The following IMPA2 variants were observed in gnomAD, a reference collection of about 807,000 sequenced individuals.
IMPA2 encodes IMP 2.
Under a neutral mutation model 35.1 loss-of-function variants are expected in IMPA2, and 32 were observed. That is an observed-to-expected ratio of 0.91 (90% confidence interval 0.69 to 1.23). The LOEUF (loss-of-function observed/expected upper bound fraction) is 1.23. Among genes scored for constraint, IMPA2 ranks in the 50% most tolerant of loss-of-function variants. The pLI is 0.00. For missense variants in IMPA2, 334 were observed against 387.6 expected, an observed-to-expected ratio of 0.86 and a Z score of 1.16; for synonymous variants, 135 against 160.6, an observed-to-expected ratio of 0.84 and a Z score of 1.20.
intron 2 of IMPA2, among the ~76,000 whole-genome samples, chr18:12,006,384 T>C (rs1467345902): frequency 6.6e-6 from 1 of 152,014 alleles, no homozygotes. Context: ...CAACTGAGAG[T>C]GGAGAGGCAG....
In IMPA2 at chr18:12,010,777, C is replaced by T. The variant is rs1041416798; in HGVS notation, c.335+790C>T. 8.5e-5 allele frequency among the ~76,000 whole-genome samples: 13 copies of T among 152,172 alleles called. No individual in the cohort carries two copies. Among genetic ancestry groups the T allele is most frequent in the Non-Finnish European group, 1.9e-4 (13 of 68,038 alleles). On this transcript the variant is annotated intron_variant, in intron 3 of 7. Coordinates refer to ENST00000269159, the MANE Select transcript of IMPA2 (RefSeq NM_014214.3). This position sits in a 1 kb window ranked among gnomAD's most constrained non-coding sequence, Gnocchi z 4.8. Reference sequence around the variant, plus strand: ...CTAAGCAGGAAGGGTGAGCAGAGCCCGGGTGTGGGCTCCTTTATGATCTGC... The same window carrying T: ...CTAAGCAGGAAGGGTGAGCAGAGCCTGGGTGTGGGCTCCTTTATGATCTGC...
chr18:12,029,045 CTG>C, intron 7 of IMPA2, 52 bp downstream of exon 7: 1 of 1,555,976 alleles, frequency 6.4e-7, no homozygotes, highest in Non-Finnish European at 8.7e-7. Context: ...CTGAGAGACA[CTG>C]TGGGTGGGGC....
At position 11,991,618 on chromosome 18, in the gene IMPA2, C is replaced by T. The variant is rs773783040; in HGVS notation, c.97-7436C>T. Among the ~76,000 whole-genome samples, 55 of 152,206 alleles carry T rather than the reference C, an allele frequency of 3.6e-4. No homozygotes were observed. Among genetic ancestry groups the T allele is most frequent in the Non-Finnish European group, 7.4e-4 (50 of 68,010 alleles). On this transcript the variant is annotated intron_variant, in intron 1 of 7. Coordinates refer to ENST00000269159, the MANE Select transcript of IMPA2 (RefSeq NM_014214.3). This position sits in a 1 kb window ranked among gnomAD's most constrained non-coding sequence, Gnocchi z 4.1. ...TGCAGGGTGGGCTGGCAGCTGGAGA[C>T]GCGGAGAGACAGCTGATGTTCCAGT...
At chr18:12,008,215 C>T (rs192317934) in intron 2 of IMPA2, 179 of 444,662 alleles carry the variant, frequency 4.0e-4, no homozygotes, top group Non-Finnish European at 6.7e-4. Flanking sequence ...AGGCTGATCT[C>T]GAACTCCTGA....
intron 5 of IMPA2, among the ~76,000 whole-genome samples, chr18:12,027,636 C>G (rs371230718): frequency 7.3e-6 from 1 of 136,886 alleles, no homozygotes; most frequent in Admixed American, 8.0e-5. Flanking sequence ...AATGTGGTGG[C>G]GCAATCATGG....
At chr18:12,014,162 A>G in intron 4 of IMPA2, 103 bp from the exon 5 acceptor site, 1 of 799,912 alleles carries the variant, frequency 1.3e-6, no homozygotes, top group Non-Finnish European at 2.2e-6. Flanking sequence ...GTAATGTGTT[A>G]TCCTAACGCC....
chr18:11,983,811 C>A (rs1486449795), intron 1 of IMPA2, among the ~76,000 whole-genome samples: 1 of 152,008 alleles, frequency 6.6e-6, no homozygotes, highest in Non-Finnish European at 1.5e-5. Flanking sequence ...ACGAGGTCAT[C>A]GGAACCTGTG....
At chr18:12,027,614 C>T (rs1368716538) in intron 5 of IMPA2, among the ~76,000 whole-genome samples, 1 of 132,370 alleles carries the variant, frequency 7.6e-6, no homozygotes, top group Non-Finnish European at 1.5e-5. Context: ...CTTGCTCTGT[C>T]CTCCAGGCTG....
At chr18:12,000,216 A>C (rs891724306) in intron 2 of IMPA2, among the ~76,000 whole-genome samples, 1 of 151,988 alleles carries the variant, frequency 6.6e-6, no homozygotes, top group Non-Finnish European at 1.5e-5. Context: ...TCAGTTGCCC[A>C]GGTTGGAGTG....
At chr18:11,982,866 T>A (rs1906546972) in intron 1 of IMPA2, among the ~76,000 whole-genome samples, 1 of 152,124 alleles carries the variant, frequency 6.6e-6, no homozygotes, top group African/African-American at 2.4e-5. Context: ...AGATTGGCCT[T>A]TTATATTCAA....
chr18:12,030,635 C>T lies in IMPA2; in HGVS notation c.*177C>T, dbSNP rs1244459722. On this transcript the variant is annotated 3_prime_UTR_variant, in exon 8 of 8. Transcript: ENST00000269159. ...CCTTTTAAATCGACGTCTCTCTCACCAGGATTTGGTGTTTAGCTGTTTCTC... is the reference window on the plus strand; with the variant it reads ...CCTTTTAAATCGACGTCTCTCTCACTAGGATTTGGTGTTTAGCTGTTTCTC... 1.7e-6 allele frequency: 1 copy of T among 592,232 alleles called. No individual in the cohort carries two copies. The highest frequency in any genetic ancestry group is 1.9e-5 in the African/African-American group (1 of 53,638). 36.7% of individuals were successfully genotyped at this position (592,232 alleles called of 1,614,324 possible).
rs1198409839 is a variant in IMPA2 at position 12,010,750 on chromosome 18, C to G, written c.335+763C>G. Among the ~76,000 whole-genome samples the G allele has an allele frequency of 6.6e-6, 1 of 152,178 alleles. No individual in the cohort carries two copies. Among genetic ancestry groups the G allele is most frequent in the Non-Finnish European group, 1.5e-5 (1 of 68,036 alleles). ...GCACGCCAGCACACTAGGCTGCACGCGCTAAGCAGGAAGGGTGAGCAGAGC... is the reference window on the plus strand; with the variant it reads ...GCACGCCAGCACACTAGGCTGCACGGGCTAAGCAGGAAGGGTGAGCAGAGC... On this transcript the variant is annotated intron_variant, in intron 3 of 7. Transcript: ENST00000269159. The surrounding 1 kb of genome is among the most constrained non-coding windows in gnomAD (Gnocchi z 4.8).
intron 1 of IMPA2, among the ~76,000 whole-genome samples, chr18:11,993,624 T>A (rs897473632): frequency 6.6e-6 from 1 of 152,048 alleles, no homozygotes; most frequent in Non-Finnish European, 1.5e-5. Context: ...CCAAGTACAG[T>A]GGACTGTGCA....
chr18:12,025,655 C>G (rs867369972), intron 5 of IMPA2, among the ~76,000 whole-genome samples: 1 of 152,366 alleles, frequency 6.6e-6, no homozygotes, highest in East Asian at 1.9e-4. Context: ...TCTTGGCTAA[C>G]CGCAACGTCT....
intron 3 of IMPA2, among the ~76,000 whole-genome samples, chr18:12,011,762 C>T (rs1907440118): frequency 6.6e-6 from 1 of 152,208 alleles, no homozygotes; most frequent in African/African-American, 2.4e-5. Context: ...CAGAACTGGC[C>T]CCCATGGGGA....
intron 5 of IMPA2, chr18:12,017,691 C>T (rs1180618507): frequency 2.6e-6 from 1 of 388,322 alleles, no homozygotes; most frequent in Non-Finnish European, 5.1e-6. Flanking sequence ...TAGGTTCAAG[C>T]AATTCTCCTG....
chr18:11,981,547 T>G lies in IMPA2; in HGVS notation c.-123T>G. ...CGCAGGTGTGGGACGGGCGGCGGAC[T>G]AGGCACAGAGCTGCGGGAGCAGGCA... On this transcript the variant is annotated 5_prime_UTR_variant, in exon 1 of 8. Transcript: ENST00000269159. 1.7e-6 allele frequency: 1 copy of G among 595,116 alleles called. No individual in the cohort carries two copies. Among genetic ancestry groups the G allele is most frequent in the Non-Finnish European group, 2.4e-6 (1 of 408,910 alleles). The allele number at this position is 595,116 out of a possible 1,614,324, so 36.9% of individuals were successfully genotyped here.
At position 12,024,854 on chromosome 18, in the gene IMPA2, C is replaced by CT. The variant is rs371588610; in HGVS notation, c.491-3189_491-3188insT. Among the ~76,000 whole-genome samples, 958 of 152,082 alleles carry CT rather than the reference C, an allele frequency of 6.3e-3. 9 individuals are homozygous for CT. The highest frequency in any genetic ancestry group is 0.022 in the African/African-American group (897 of 41,386). ...CCTATACACCTCCTGTCCCCACACA[C>CT]GTACAGCCTCCCCATCCATCAGCAT... On this transcript the variant is annotated intron_variant, in intron 5 of 7. Transcript: ENST00000269159.
At chr18:12,014,767 GC>G (rs1907532569) in intron 5 of IMPA2, among the ~76,000 whole-genome samples, 1 of 152,146 alleles carries the variant, frequency 6.6e-6, no homozygotes, top group Non-Finnish European at 1.5e-5. Context: ...GCAGTCTGTG[GC>G]CCCTGAGTGT....
Sources: gnomAD v4.1 joint callset for allele counts (sites outside exome capture counted in the v4.1 genomes callset) on GRCh38, gnomAD v4.1.1 for gene constraint, Gnocchi (gnomAD v3.1) non-coding constraint, MANE v1.5 for transcripts, NCBI Gene and HGNC (gene_info 2026-07-23, HGNC 2026-07-21) for gene names.